The following BMP2K variants were observed in gnomAD, a reference collection of about 807,000 sequenced individuals.
BMP2K encodes BMP-2-inducible protein kinase.
BMP2K carries 74 observed loss-of-function variants against 116.0 expected under a neutral mutation model. The ratio of observed to expected loss-of-function variants is 0.64; its 90% CI spans 0.53 to 0.77. The LOEUF (loss-of-function observed/expected upper bound fraction) is 0.77. BMP2K is among the 30% of genes least tolerant of loss of function. The pLI is 0.00. For missense variants in BMP2K, 1,365 were observed against 1,403.6 expected (o/e 0.97, Z 0.44); for synonymous variants, 486 against 502.5 (o/e 0.97, Z 0.44).
chr4:78,874,571 T>C (rs1172952476), intron 13 of BMP2K, among the ~76,000 whole-genome samples: 2 of 152,220 alleles, frequency 1.3e-5, no homozygotes, highest in African/African-American at 4.8e-5. Flanking sequence ...TCTAGTTTAT[T>C]TAGTTGGAAA....
chr4:78,842,419 A>G lies in BMP2K; in HGVS notation c.438A>G (p.Leu146=). ...GQVVNQMNKK[L]QTGFTEPEVL... is the part of the protein sequence containing the mutation. The stretch of plus-strand genomic sequence containing the variant: ...TAGTGAATCAAATGAATAAGAAGCT[A>G]CAGACGGGTTTTACAGAACCAGAAG... The change falls in exon 4 of 16, where the codon CTA becomes CTG. Residue 146 remains leucine (L), a synonymous_variant. Coordinates refer to ENST00000502613, the MANE Select transcript of BMP2K (RefSeq NM_198892.2). 1 of 1,606,780 alleles carries G rather than the reference A, an allele frequency of 6.2e-7. No homozygotes were observed. The highest frequency in any genetic ancestry group is 1.1e-5 in the South Asian group (1 of 90,290).
intron 7 of BMP2K, among the ~76,000 whole-genome samples, chr4:78,857,813 A>C (rs534384077): frequency 6.6e-6 from 1 of 152,080 alleles, no homozygotes; most frequent in South Asian, 2.1e-4. Flanking sequence ...TTTCCTTAGC[A>C]CCTGATTTGT....
chr4:78,812,497 G>A (rs1560510938), intron 1 of BMP2K, among the ~76,000 whole-genome samples: 1 of 152,154 alleles, frequency 6.6e-6, no homozygotes, highest in Non-Finnish European at 1.5e-5. Flanking sequence ...CCAAAACTGT[G>A]CTGTTGATAT....
At chr4:78,836,967 T>C (rs968407222) in intron 3 of BMP2K, among the ~76,000 whole-genome samples, 12 of 152,162 alleles carry the variant, frequency 7.9e-5, no homozygotes, top group African/African-American at 2.9e-4. Flanking sequence ...CTGTGTGTCA[T>C]TTTTGGTATG....
intron 2 of BMP2K, among the ~76,000 whole-genome samples, chr4:78,832,177 TG>T (rs371714892): frequency 6.0e-4 from 92 of 152,272 alleles, no homozygotes; most frequent in African/African-American, 2.1e-3. Flanking sequence ...TGCATCTATT[TG>T]CTTGAGTACC....
In BMP2K at chr4:78,911,661, C is replaced by G. The variant is rs7682647; in HGVS notation, c.3114C>G (p.Ile1038Met). ...DSQSSNEFLT[I>M]SDSKENISVA... ...AAAGTAGCAATGAATTTTTAACCAT[C>G]TCAGACTCCAAGGAGAACATTAGTG... Residue 1038 changes from isoleucine (I) to methionine (M), a missense_variant, in exon 16 of 16, where the codon ATC becomes ATG. Ile to Met is a conservative substitution (Grantham distance 10). Transcript: ENST00000502613. 28 of 1,613,756 alleles carry G rather than the reference C, an allele frequency of 1.7e-5. No individual in the cohort carries two copies. Among genetic ancestry groups the G allele is most frequent in the Middle Eastern group, 3.3e-4 (2 of 6,084 alleles).
chr4:78,832,891 G>T (rs1382288787), intron 2 of BMP2K, among the ~76,000 whole-genome samples: 1 of 151,886 alleles, frequency 6.6e-6, no homozygotes, highest in Non-Finnish European at 1.5e-5. Context: ...AGGTTTATTG[G>T]TAATGATAGT....
In BMP2K at chr4:78,823,120, G is replaced by A. The variant is rs74959562; in HGVS notation, c.179-2917G>A. Among the ~76,000 whole-genome samples the A allele has an allele frequency of 5.6e-3, 852 of 152,182 alleles. 11 individuals are homozygous for A. Among genetic ancestry groups the A allele is most frequent in the African/African-American group, 0.019 (806 of 41,552 alleles). On this transcript the variant is annotated intron_variant, in intron 1 of 15. Transcript: ENST00000502613. ...TAGAATTTCTTTCTTGAAGTTCAAC[G>A]TATCTTCTGTGTTCAGAAAACTTAA...
chr4:78,821,191 C>T (rs760702852), intron 1 of BMP2K, among the ~76,000 whole-genome samples: 1 of 152,082 alleles, frequency 6.6e-6, no homozygotes, highest in African/African-American at 2.4e-5. Flanking sequence ...TTTCTTTGAA[C>T]GTCTGATCAT....
chr4:78,824,227 T>C (rs1288281426), intron 1 of BMP2K, among the ~76,000 whole-genome samples: 1 of 152,204 alleles, frequency 6.6e-6, no homozygotes. Flanking sequence ...TTGTAGAGAA[T>C]CTGGAAAGAG....
chr4:78,783,996 G>A (rs1727623050), intron 1 of BMP2K, among the ~76,000 whole-genome samples: 1 of 152,128 alleles, frequency 6.6e-6, no homozygotes, highest in Non-Finnish European at 1.5e-5. Flanking sequence ...ATATTTGTTA[G>A]TATGTTTCAT....
chr4:78,850,587 A>G (rs1731203092), intron 6 of BMP2K, among the ~76,000 whole-genome samples: 1 of 151,888 alleles, frequency 6.6e-6, no homozygotes, highest in Non-Finnish European at 1.5e-5. Flanking sequence ...AAGAAGCTTT[A>G]TACTTTGTTG....
At chr4:78,795,351 G>A (rs949909018) in intron 1 of BMP2K, among the ~76,000 whole-genome samples, 1 of 152,184 alleles carries the variant, frequency 6.6e-6, no homozygotes, top group Non-Finnish European at 1.5e-5. Flanking sequence ...CAGTTTAGGT[G>A]AGATGACCGA....
chr4:78,825,469 G>A (rs1729824162), intron 1 of BMP2K, among the ~76,000 whole-genome samples: 1 of 152,088 alleles, frequency 6.6e-6, no homozygotes, highest in Admixed American at 6.6e-5. Context: ...TTTTATCTAT[G>A]GAAAATCATT....
rs1734846007 is a variant in BMP2K at position 78,914,103 on chromosome 4, A to G, written c.*2070A>G. The G allele has an allele frequency of 6.6e-6, 1 of 152,202 alleles. No individual in the cohort carries two copies. Among genetic ancestry groups the G allele is most frequent in the African/African-American group, 2.4e-5 (1 of 41,566 alleles). The allele number at this position is 152,202 out of a possible 1,614,324, so 9.4% of individuals were successfully genotyped here. A position where few individuals can be genotyped will look rare whatever the true frequency, so the allele number is the denominator to read the frequency against. On this transcript the variant is annotated 3_prime_UTR_variant, in exon 16 of 16. Coordinates refer to ENST00000502613, the MANE Select transcript of BMP2K (RefSeq NM_198892.2). ...AATGAAAATCTGTTGAGGTGTACAC[A>G]ATATGCTTCTTGATTGTATTAGTCC...
Position 78,915,315 on chromosome 4 carries a change from T to G in BMP2K, c.*3282T>G, listed in dbSNP as rs1734948271. ...AAGTTCACCAGGCAGAGCAGTTTTC[T>G]TACAAGTCAGCTACTCTGCTTGGTT... On this transcript the variant is annotated 3_prime_UTR_variant, in exon 16 of 16. Transcript: ENST00000502613. The G allele has an allele frequency of 6.6e-6, 1 of 152,042 alleles. No individual in the cohort carries two copies. The highest frequency in any genetic ancestry group is 2.1e-4 in the South Asian group (1 of 4,830). The allele number at this position is 152,042 out of a possible 1,614,324, so 9.4% of individuals were successfully genotyped here.
intron 1 of BMP2K, among the ~76,000 whole-genome samples, chr4:78,804,554 A>AGGG (rs1457473672): frequency 6.6e-6 from 1 of 152,130 alleles, no homozygotes; most frequent in Non-Finnish European, 1.5e-5. Flanking sequence ...CCCACCAGCA[A>AGGG]TTTATGAGGT....
rs181308109 is a variant in BMP2K at position 78,885,112 on chromosome 4, A to G, written c.1952-2062A>G. Among the ~76,000 whole-genome samples, 14 of 152,350 alleles carry G rather than the reference A, an allele frequency of 9.2e-5. No individual in the cohort carries two copies. The East Asian group carries it at 2.7e-3, about 29-fold the overall frequency. On this transcript the variant is annotated intron_variant, in intron 14 of 15. Transcript: ENST00000502613. ...GGAAGTTTTGTTTGTTCATAAAACA[A>G]TTGTCAGATGTATTTAGTAACTCAA...
chr4:78,840,955 T>A (rs1418530603), intron 3 of BMP2K, among the ~76,000 whole-genome samples: 1 of 152,178 alleles, frequency 6.6e-6, no homozygotes, highest in East Asian at 1.9e-4. Flanking sequence ...TCTGTTTAAT[T>A]ATTCTTAAAC....
Sources: allele counts gnomAD v4.1 joint callset (sites outside exome capture counted in the v4.1 genomes callset), GRCh38; gene constraint gnomAD v4.1.1; transcripts MANE v1.5; gene names NCBI Gene and HGNC (gene_info 2026-07-23, HGNC 2026-07-21).